Variants in SLC8A1 observed in about 807,000 individuals in gnomAD.
SLC8A1 encodes the protein sodium/calcium exchanger 1.
A neutral mutation model predicts 68.3 loss-of-function variants in SLC8A1; 18 were observed. The ratio of observed to expected loss-of-function variants is 0.26; its 90% CI spans 0.18 to 0.39. SLC8A1 has a LOEUF of 0.39. Ranked by LOEUF, SLC8A1 falls within the 10% of genes least tolerant of loss-of-function variation. The probability of loss-of-function intolerance (pLI) is 1.00; values close to 1 mark genes in which losing one functional copy is unlikely to be tolerated. For missense variants in SLC8A1, 985 were observed against 1,156.7 expected, an observed-to-expected ratio of 0.85 and a Z score of 2.15; for synonymous variants, 475 against 415.5, an observed-to-expected ratio of 1.14 and a Z score of -1.74.
chr2:40,310,627 G>C (rs191575565), intron 2 of SLC8A1, among the ~76,000 whole-genome samples: 10 of 152,218 alleles, frequency 6.6e-5, no homozygotes, highest in Non-Finnish European at 1.2e-4. Flanking sequence ...AAAATTTAGA[G>C]CTATATTCTT....
At chr2:40,343,986 G>A (rs1292197563) in intron 2 of SLC8A1, among the ~76,000 whole-genome samples, 1 of 152,136 alleles carries the variant, frequency 6.6e-6, no homozygotes, top group Non-Finnish European at 1.5e-5. Flanking sequence ...CAGGGATAGA[G>A]GTCTCAGAAA....
At chr2:40,266,274 G>T (rs2065342187) in intron 2 of SLC8A1, among the ~76,000 whole-genome samples, 1 of 152,108 alleles carries the variant, frequency 6.6e-6, no homozygotes, top group African/African-American at 2.4e-5. Flanking sequence ...CATCTTGCCA[G>T]CCTGAGCCTA....
intron 2 of SLC8A1, among the ~76,000 whole-genome samples, chr2:40,272,856 C>T (rs537912630): frequency 2.6e-5 from 4 of 152,340 alleles, no homozygotes; most frequent in Admixed American, 6.5e-5. Context: ...CGATTTGGAG[C>T]ACTGACACAT....
At position 40,252,809 on chromosome 2, in the gene SLC8A1, CATATACATATATATGT is replaced by C. The variant is rs773006305; in HGVS notation, c.1809-74970_1809-74955del. 8.9e-4 allele frequency among the ~76,000 whole-genome samples: 129 copies of C among 144,606 alleles called. 2 individuals carry two copies. Among genetic ancestry groups the C allele is most frequent in the Non-Finnish European group, 1.6e-3 (110 of 66,936 alleles). The allele number at this position is 144,606 out of a possible 152,430, so 94.9% of individuals were successfully genotyped here. ...ATATATATGTGTGTGTATATATGTACATATACATATATATGTATATACATGTGTATACATATATGTA... is the reference window on the plus strand; with the variant it reads ...ATATATATGTGTGTGTATATATGTACATATACATGTGTATACATATATGTA... On this transcript the variant is annotated intron_variant, in intron 2 of 7. Transcript: ENST00000406785.
intron 2 of SLC8A1, among the ~76,000 whole-genome samples, chr2:40,302,439 G>T (rs954003630): frequency 8.6e-5 from 12 of 139,516 alleles, no homozygotes; most frequent in Admixed American, 2.9e-4. Context: ...GTATTCCATT[G>T]TGTGTGTGTG....
intron 2 of SLC8A1, among the ~76,000 whole-genome samples, chr2:40,257,633 A>G (rs576701752): frequency 6.6e-6 from 1 of 152,356 alleles, no homozygotes; most frequent in East Asian, 1.9e-4. Flanking sequence ...ACTGGAGTTA[A>G]TTAAAGCAAT....
chr2:40,350,587 C>CAAAAAAA lies in SLC8A1; in HGVS notation c.1808+77879_1808+77885dup, dbSNP rs572258156. 8.0e-4 allele frequency among the ~76,000 whole-genome samples: 61 copies of CAAAAAAA among 76,220 alleles called. 1 individual carries two copies. Among genetic ancestry groups the CAAAAAAA allele is most frequent in the Non-Finnish European group, 1.1e-3 (41 of 38,352 alleles). 50.0% of individuals were successfully genotyped at this position (76,220 alleles called of 152,430 possible). A position where few individuals can be genotyped will look rare whatever the true frequency, so the allele number is the denominator to read the frequency against. On this transcript the variant is annotated intron_variant, in intron 2 of 7. Coordinates refer to ENST00000406785, the Ensembl canonical transcript of SLC8A1. Reference sequence around the variant, plus strand: ...ATTACTTCTCACGCACCCAGACAAGCAAAAAAAAAAAAAAAAAAAAAAAAA... The same window carrying CAAAAAAA: ...ATTACTTCTCACGCACCCAGACAAGCAAAAAAAAAAAAAAAAAAAAAAAAAAAAAAAA...
At chr2:40,358,047 GGA>G (rs1491366961) in intron 2 of SLC8A1, among the ~76,000 whole-genome samples, 48 of 105,840 alleles carry the variant, frequency 4.5e-4, no homozygotes, top group African/African-American at 1.8e-3. Context: ...TGCAACTGAA[GGA>G]AAAAAAAAAA....
intron 2 of SLC8A1, among the ~76,000 whole-genome samples, chr2:40,241,268 TG>T (rs1282371914): frequency 1.3e-4 from 20 of 152,282 alleles, no homozygotes; most frequent in Non-Finnish European, 2.9e-4. Flanking sequence ...AAATACCACG[TG>T]TTCTCACTTA....
At chr2:40,400,373 C>A (rs1017524136) in intron 2 of SLC8A1, among the ~76,000 whole-genome samples, 3 of 152,034 alleles carry the variant, frequency 2.0e-5, no homozygotes, top group African/African-American at 7.3e-5. Flanking sequence ...AAGACTCACC[C>A]AGGAAAGAAA....
intron 2 of SLC8A1, among the ~76,000 whole-genome samples, chr2:40,282,448 G>A (rs1443083034): frequency 1.3e-5 from 2 of 152,130 alleles, no homozygotes; most frequent in African/African-American, 4.8e-5. Context: ...TGATACAAAG[G>A]ATGTCTAGTT....
At chr2:40,454,480 CTTTT>C (rs543088073), upstream of SLC8A1, among the ~76,000 whole-genome samples, 1 of 119,524 alleles carries the variant, frequency 8.4e-6, no homozygotes, top group African/African-American at 3.1e-5. Flanking sequence ...TGTCTTAAGA[CTTTT>C]TTTTTTTTTT....
chr2:40,332,492 A>G (rs917075803), intron 2 of SLC8A1, among the ~76,000 whole-genome samples: 1 of 152,130 alleles, frequency 6.6e-6, no homozygotes, highest in African/African-American at 2.4e-5. Flanking sequence ...GTTCATTTTA[A>G]TGAAAGAACT....
At chr2:40,129,292 A>G (rs1419637804) in intron 7 of SLC8A1, among the ~76,000 whole-genome samples, 2 of 150,350 alleles carry the variant, frequency 1.3e-5, no homozygotes, top group African/African-American at 4.9e-5. Context: ...GTGTGATGGC[A>G]TGATCATGGC....
At chr2:40,262,973 G>A (rs568023837) in intron 2 of SLC8A1, among the ~76,000 whole-genome samples, 26 of 152,276 alleles carry the variant, frequency 1.7e-4, no homozygotes, top group Admixed American at 5.9e-4. Context: ...TGGCCCTCCC[G>A]TAATTCCTAA....
intron 7 of SLC8A1, among the ~76,000 whole-genome samples, chr2:40,136,962 G>A (rs540776689): frequency 1.3e-5 from 2 of 152,230 alleles, no homozygotes; most frequent in African/African-American, 4.8e-5. Context: ...TCTGCGTCCC[G>A]ATGGAAAGCA....
At chr2:40,381,550 T>C (rs1027024358) in intron 2 of SLC8A1, among the ~76,000 whole-genome samples, 3 of 152,006 alleles carry the variant, frequency 2.0e-5, no homozygotes, top group African/African-American at 7.2e-5. Flanking sequence ...GTCTTTTACC[T>C]GGCCCCATTC....
At chr2:40,342,354 C>T (rs1187439198) in intron 2 of SLC8A1, among the ~76,000 whole-genome samples, 2 of 152,100 alleles carry the variant, frequency 1.3e-5, no homozygotes, top group Non-Finnish European at 2.9e-5. Flanking sequence ...GACATGTGCT[C>T]ATTTGATGTA....
chr2:40,204,589 C>G (rs1179858966), intron 2 of SLC8A1, among the ~76,000 whole-genome samples: 2 of 151,964 alleles, frequency 1.3e-5, no homozygotes, highest in Non-Finnish European at 2.9e-5. Flanking sequence ...TGACTCTATC[C>G]CTTTGGCGGA....
Sources: allele counts gnomAD v4.1 joint callset (sites outside exome capture counted in the v4.1 genomes callset), GRCh38; gene constraint gnomAD v4.1.1; transcripts MANE v1.5; gene names NCBI Gene and HGNC (gene_info 2026-07-23, HGNC 2026-07-21).